Variants in ZDHHC15 observed in about 807,000 individuals in gnomAD.
ZDHHC15 encodes palmitoyltransferase ZDHHC15.
In ZDHHC15, 19 loss-of-function variants were observed where a neutral mutation model predicts 31.7. The observed-to-expected ratio is 0.60, with a 90% confidence interval of 0.42 to 0.88. The LOEUF (loss-of-function observed/expected upper bound fraction) is 0.88, where lower values mean the gene tolerates loss of function less well. Ranked by LOEUF, ZDHHC15 falls within the 40% of genes least tolerant of loss-of-function variation. The probability of loss-of-function intolerance (pLI) is 0.00; values close to 1 mark genes in which losing one functional copy is unlikely to be tolerated. For missense variants in ZDHHC15, 209 were observed against 251.2 expected, an observed-to-expected ratio of 0.83 and a Z score of 1.14; for synonymous variants, 103 against 90.0, an observed-to-expected ratio of 1.14 and a Z score of -0.82.
chrX:75,401,504 C>A (rs938763036), intron 10 of ZDHHC15, among the ~76,000 whole-genome samples: 2 of 111,530 alleles, frequency 1.8e-5, no homozygotes, highest in Non-Finnish European at 3.8e-5. Flanking sequence ...ACCCATCACA[C>A]ATGTAATTAC....
At chrX:75,503,135 A>T (rs1416910969) in intron 2 of ZDHHC15, among the ~76,000 whole-genome samples, 1 of 110,553 alleles carries the variant, frequency 9.0e-6, no homozygotes, top group Non-Finnish European at 1.9e-5. Flanking sequence ...ATCTATCCAA[A>T]AAAATTAAAA....
At chrX:75,380,394 G>A (rs757159650) in intron 10 of ZDHHC15, among the ~76,000 whole-genome samples, 2 of 111,848 alleles carry the variant, frequency 1.8e-5, no homozygotes, top group East Asian at 5.6e-4. Context: ...ATTTTTAGGT[G>A]TGGTTTGGTG....
At chrX:75,433,699 A>G (rs5937380) in intron 4 of ZDHHC15, among the ~76,000 whole-genome samples, 6 of 6,472 alleles carry the variant, frequency 9.3e-4, no homozygotes, top group South Asian at 0.043. Flanking sequence ...GTGTGTGTGT[A>G]TATATATATA....
chrX:75,402,213 C>T (rs2083365818), intron 10 of ZDHHC15, among the ~76,000 whole-genome samples: 1 of 111,761 alleles, frequency 8.9e-6, no homozygotes, highest in Non-Finnish European at 1.9e-5. Context: ...ATACAACATA[C>T]CAGAATCTCT....
rs752626310 is a variant in ZDHHC15, at chrX:75,383,770, ACT to A, written c.968-4574_968-4573del. ...TTTTTTTTTTTTGAGATGGAGTCTCACTCTGTCACCCAGGCTGGAGTGCAGTG... is the reference window on the plus strand; with the variant it reads ...TTTTTTTTTTTTGAGATGGAGTCTCACTGTCACCCAGGCTGGAGTGCAGTG... On this transcript the variant is annotated intron_variant, in intron 10 of 11. Coordinates refer to ENST00000373367, the MANE Select transcript of ZDHHC15 (RefSeq NM_144969.3). Among the ~76,000 whole-genome samples, 7 of 74,797 alleles carry A rather than the reference ACT, an allele frequency of 9.4e-5. No homozygotes were observed. In the Admixed American group the frequency reaches 1.1e-3, roughly 12 times the overall value. The allele number at this position is 74,797 out of a possible 115,157, so 65.0% of individuals were successfully genotyped here.
chrX:75,449,201 TACACACACACACACACACACAC>T (rs3075226), intron 4 of ZDHHC15, among the ~76,000 whole-genome samples: 1 of 76,663 alleles, frequency 1.3e-5, no homozygotes. Context: ...TCTCTCTCTA[TACACACACACACACACACACAC>T]ACACACACAC....
intron 3 of ZDHHC15, among the ~76,000 whole-genome samples, chrX:75,477,942 C>T (rs1020818996): frequency 3.7e-5 from 4 of 109,159 alleles, no homozygotes; most frequent in Non-Finnish European, 7.5e-5. Flanking sequence ...TCAATTTCTA[C>T]ATTGTTGCCT....
At chrX:75,455,765 C>T (rs2084209970) in intron 3 of ZDHHC15, among the ~76,000 whole-genome samples, 1 of 112,247 alleles carries the variant, frequency 8.9e-6, no homozygotes, top group Non-Finnish European at 1.9e-5. Flanking sequence ...TGAAAAAATG[C>T]TCATCATCAC....
At chrX:75,398,686 C>T (rs1381303126) in intron 10 of ZDHHC15, among the ~76,000 whole-genome samples, 2 of 111,478 alleles carry the variant, frequency 1.8e-5, no homozygotes, top group African/African-American at 3.3e-5. Context: ...CTATCCCCAC[C>T]CAAGCTCTCC....
intron 3 of ZDHHC15, among the ~76,000 whole-genome samples, chrX:75,461,001 G>A (rs2084305243): frequency 9.0e-6 from 1 of 111,533 alleles, no homozygotes; most frequent in African/African-American, 3.3e-5. Context: ...CTGAGCTAAA[G>A]GAGCATGTTG....
intron 10 of ZDHHC15, 54 bp downstream of exon 10, chrX:75,417,030 TCAC>T (rs746034114): frequency 2.3e-5 from 22 of 960,192 alleles, no homozygotes; most frequent in Non-Finnish European, 2.9e-5. Flanking sequence ...CACTATTTAC[TCAC>T]CACATTACAT....
chrX:75,423,311 G>A (rs2083672093), intron 8 of ZDHHC15, among the ~76,000 whole-genome samples: 1 of 107,885 alleles, frequency 9.3e-6, no homozygotes, highest in Admixed American at 1.0e-4. Context: ...CATAGTACCC[G>A]AGTGAATTTT....
At chrX:75,496,009 C>A (rs965003564) in intron 2 of ZDHHC15, among the ~76,000 whole-genome samples, 10 of 109,016 alleles carry the variant, frequency 9.2e-5, no homozygotes, top group African/African-American at 3.0e-4. Context: ...CATCTCAATA[C>A]TAAAGTTGAA....
intron 3 of ZDHHC15, among the ~76,000 whole-genome samples, chrX:75,473,561 A>C (rs1435273484): frequency 9.0e-6 from 1 of 111,302 alleles, no homozygotes; most frequent in Non-Finnish European, 1.9e-5. Context: ...CCTACCTTTA[A>C]GTCAACAAGC....
At chrX:75,456,594 G>T (rs2084226826) in intron 3 of ZDHHC15, among the ~76,000 whole-genome samples, 1 of 111,445 alleles carries the variant, frequency 9.0e-6, no homozygotes, top group African/African-American at 3.3e-5. Context: ...TTTTTATACT[G>T]TTGGTGGGAG....
chrX:75,438,239 T>C (rs1276436711), intron 4 of ZDHHC15, among the ~76,000 whole-genome samples: 1 of 111,929 alleles, frequency 8.9e-6, no homozygotes, highest in East Asian at 2.8e-4. Flanking sequence ...CTTGATGGCC[T>C]GTCTCGTGCT....
At chrX:75,386,008 A>T (rs1485140087) in intron 10 of ZDHHC15, among the ~76,000 whole-genome samples, 1 of 112,024 alleles carries the variant, frequency 8.9e-6, no homozygotes, top group African/African-American at 3.3e-5. Context: ...TCATAACTTT[A>T]ATATTCTCTC....
At chrX:75,488,609 A>G (rs752513071) in intron 2 of ZDHHC15, among the ~76,000 whole-genome samples, 15 of 112,233 alleles carry the variant, frequency 1.3e-4, no homozygotes, top group East Asian at 8.4e-4. Context: ...AAAATAACAT[A>G]ATGAAAAATA....
chrX:75,389,021 G>A (rs1345249032), intron 10 of ZDHHC15, among the ~76,000 whole-genome samples: 1 of 111,828 alleles, frequency 8.9e-6, no homozygotes, highest in African/African-American at 3.3e-5. Flanking sequence ...GTGGTTGCAT[G>A]GTATGGAGAC....
Sources: gnomAD v4.1 joint callset for allele counts (sites outside exome capture counted in the v4.1 genomes callset) on GRCh38, gnomAD v4.1.1 for gene constraint, MANE v1.5 for transcripts, NCBI Gene and HGNC (gene_info 2026-07-23, HGNC 2026-07-21) for gene names.